Variants in ADARB1 observed in about 807,000 individuals in gnomAD.
ADARB1 encodes double-stranded RNA-specific editase 1.
A neutral mutation model predicts 52.4 loss-of-function variants in ADARB1; 10 were observed. That is an observed-to-expected ratio of 0.19 (90% CI 0.12 to 0.32). The LOEUF (loss-of-function observed/expected upper bound fraction) is 0.32. Ranked by LOEUF, ADARB1 falls within the 10% of genes least tolerant of loss-of-function variation. The pLI is 1.00. For missense variants in ADARB1, 643 were observed against 922.3 expected, an observed-to-expected ratio of 0.70 and a Z score of 3.92; for synonymous variants, 349 against 371.1, an observed-to-expected ratio of 0.94 and a Z score of 0.68.
intron 7 of ADARB1, chr21:45,184,447 AATTT>A: frequency 1.9e-5 from 3 of 161,778 alleles, no homozygotes; most frequent in Admixed American, 1.1e-4. Context: ...AATTTCATAT[AATTT>A]TTTTTTTTTT....
chr21:45,143,832 C>G (rs2089866841), intron 2 of ADARB1, among the ~76,000 whole-genome samples: 1 of 152,242 alleles, frequency 6.6e-6, no homozygotes, highest in South Asian at 2.1e-4. Flanking sequence ...TCCGCAATGG[C>G]ATCGCCACTA....
chr21:45,195,142 T>C (rs2092397034), intron 8 of ADARB1, among the ~76,000 whole-genome samples: 1 of 152,252 alleles, frequency 6.6e-6, no homozygotes, highest in South Asian at 2.1e-4. Context: ...AATTTGCAGA[T>C]TCCTAATGAC....
chr21:45,204,767 C>T lies in ADARB1; in HGVS notation c.1747+31C>T, dbSNP rs1254776420. ...TATCTCTAGAGTGTGCTGATTTAAT[C>T]TCTGTCTTGATTTTGCAATGTTTTC... On this transcript the variant is annotated intron_variant, in intron 9 of 10. Coordinates refer to ENST00000348831, the MANE Select transcript of ADARB1 (RefSeq NM_001112.4). The surrounding 1 kb of genome is among the most constrained non-coding windows in gnomAD (Gnocchi z 4.4). 1 of 1,601,782 alleles carries T rather than the reference C, an allele frequency of 6.2e-7. No homozygotes were observed.
At chr21:45,130,016 G>T (rs1339300966) in intron 2 of ADARB1, among the ~76,000 whole-genome samples, 2 of 152,124 alleles carry the variant, frequency 1.3e-5, no homozygotes, top group African/African-American at 4.8e-5. Context: ...CTTTATCATG[G>T]CTTGTGCTGT....
intron 2 of ADARB1, among the ~76,000 whole-genome samples, chr21:45,164,201 G>A (rs905598680): frequency 3.3e-5 from 5 of 152,174 alleles, no homozygotes; most frequent in Non-Finnish European, 7.3e-5. Flanking sequence ...GGCACTCAGA[G>A]GATTGGTTTA....
chr21:45,165,196 C>T (rs1261993120), intron 2 of ADARB1, among the ~76,000 whole-genome samples: 2 of 152,134 alleles, frequency 1.3e-5, no homozygotes, highest in Non-Finnish European at 2.9e-5. Context: ...ACTAGAGCCA[C>T]AGTTTGATGA....
At chr21:45,184,006 C>T (rs990816069) in intron 7 of ADARB1, among the ~76,000 whole-genome samples, 1 of 152,202 alleles carries the variant, frequency 6.6e-6, no homozygotes, top group African/African-American at 2.4e-5. Context: ...CATCCCTTCT[C>T]CCAAGCCCTT....
intron 1 of ADARB1, among the ~76,000 whole-genome samples, chr21:45,102,574 T>C (rs981058400): frequency 2.0e-5 from 3 of 152,068 alleles, no homozygotes; most frequent in African/African-American, 7.3e-5. Context: ...GAAACAAACA[T>C]AACCACACCC....
intron 4 of ADARB1, among the ~76,000 whole-genome samples, chr21:45,178,702 G>A (rs193005685): frequency 2.6e-5 from 4 of 152,340 alleles, no homozygotes; most frequent in African/African-American, 9.6e-5. Context: ...TGTCACTGCA[G>A]GTAAATGGTG....
At chr21:45,174,546 TA>T (rs1456893184) in intron 3 of ADARB1, among the ~76,000 whole-genome samples, 1 of 151,984 alleles carries the variant, frequency 6.6e-6, no homozygotes, top group Non-Finnish European at 1.5e-5. Context: ...CTACTAAAAA[TA>T]CAAAAATTAG....
intron 9 of ADARB1, among the ~76,000 whole-genome samples, chr21:45,205,173 A>T (rs375369987): frequency 1.3e-5 from 2 of 152,110 alleles, no homozygotes; most frequent in Non-Finnish European, 2.9e-5. Flanking sequence ...AGGTGGGAGG[A>T]TCACCTGAGC....
chr21:45,123,762 C>G (rs369765273), intron 1 of ADARB1, among the ~76,000 whole-genome samples: 1 of 151,944 alleles, frequency 6.6e-6, no homozygotes, highest in Non-Finnish European at 1.5e-5. Flanking sequence ...CAGCATGCCT[C>G]GCTGAGTTTT....
At chr21:45,144,696 A>G (rs1354125120) in intron 2 of ADARB1, 1 of 447,704 alleles carries the variant, frequency 2.2e-6, no homozygotes, top group Admixed American at 2.4e-5. Flanking sequence ...CATTGCTTCA[A>G]CTCTGGTAAC....
intron 4 of ADARB1, among the ~76,000 whole-genome samples, chr21:45,178,214 G>A (rs745959463): frequency 6.6e-6 from 1 of 152,234 alleles, no homozygotes; most frequent in Non-Finnish European, 1.5e-5. Context: ...TGTCACCCCT[G>A]CCTCCCTGGC....
At chr21:45,119,116 G>T (rs1005470041) in intron 1 of ADARB1, among the ~76,000 whole-genome samples, 2 of 152,096 alleles carry the variant, frequency 1.3e-5, no homozygotes, top group African/African-American at 2.4e-5. Flanking sequence ...TAGAGGCAGG[G>T]TCTCGCTCTG....
At chr21:45,156,365 A>T (rs1353290813) in intron 2 of ADARB1, among the ~76,000 whole-genome samples, 9 of 142,330 alleles carry the variant, frequency 6.3e-5, no homozygotes, top group Non-Finnish European at 1.2e-4. Context: ...CCACCCACCC[A>T]TCATCACCCA....
intron 1 of ADARB1, among the ~76,000 whole-genome samples, chr21:45,076,596 G>T (rs981119061): frequency 2.0e-5 from 3 of 152,194 alleles, no homozygotes; most frequent in Non-Finnish European, 4.4e-5. Context: ...CTGGTGTGAC[G>T]TGCTCATGCA....
intron 1 of ADARB1, among the ~76,000 whole-genome samples, chr21:45,109,906 C>T (rs2087456744): frequency 2.0e-5 from 3 of 152,146 alleles, no homozygotes; most frequent in Non-Finnish European, 2.9e-5. Flanking sequence ...AGGCGCCTTT[C>T]TCTCTCTTTT....
chr21:45,208,195 C>G lies in ADARB1; in HGVS notation c.1747+3459C>G, dbSNP rs765920665. 1.3e-5 allele frequency among the ~76,000 whole-genome samples: 2 copies of G among 152,146 alleles called. No individual in the cohort carries two copies. The highest frequency in any genetic ancestry group is 6.5e-5 in the Admixed American group (1 of 15,280). ...CTCCTCAGCTGGCCCAGTTTGTTGT[C>G]CAACGCTCACTAAGATAAACCAAGA... is the stretch of plus-strand genomic sequence containing the variant. On this transcript the variant is annotated intron_variant, in intron 9 of 10. Transcript: ENST00000348831. The surrounding 1 kb of genome is among the most constrained non-coding windows in gnomAD (Gnocchi z 5.6).
Sources: allele counts gnomAD v4.1 joint callset (sites outside exome capture counted in the v4.1 genomes callset), GRCh38; gene constraint gnomAD v4.1.1; non-coding constraint Gnocchi (gnomAD v3.1); transcripts MANE v1.5; gene names NCBI Gene and HGNC (gene_info 2026-07-23, HGNC 2026-07-21).